Variants in LIPK observed in about 807,000 individuals in gnomAD.
LIPK encodes the protein lipase family member K.
A neutral mutation model predicts 48.6 loss-of-function variants in LIPK; 32 were observed. The ratio of observed to expected loss-of-function variants is 0.66; its 90% CI spans 0.50 to 0.88. The LOEUF is 0.88. Among genes scored for constraint, LIPK ranks in the 40% least tolerant of loss-of-function variants. LIPK has a pLI of 0.00. For synonymous variants in LIPK, 164 were observed against 157.4 expected (o/e 1.04, Z -0.32); for missense variants, 507 against 478.5 (o/e 1.06, Z -0.56).
At chr10:88,746,749 G>GA (rs1210195140) in intron 9 of LIPK, among the ~76,000 whole-genome samples, 1 of 151,898 alleles carries the variant, frequency 6.6e-6, no homozygotes, top group African/African-American at 2.4e-5. Context: ...GCTAGCAGAA[G>GA]AAAAAATAAC....
At chr10:88,710,082 T>C (rs1842000809) in intron 1 of LIPK, among the ~76,000 whole-genome samples, 2 of 151,906 alleles carry the variant, frequency 1.3e-5, no homozygotes, top group African/African-American at 2.4e-5. Flanking sequence ...TGCTTTCATG[T>C]TTTTATATAG....
chr10:88,740,330 G>C lies in LIPK; in HGVS notation c.888+263G>C, dbSNP rs1334939291. Among the ~76,000 whole-genome samples the C allele has an allele frequency of 2.0e-5, 3 of 152,262 alleles. No individual in the cohort carries two copies. In the East Asian group the frequency reaches 5.8e-4, roughly 29 times the overall value. ...GATTCCAAACTACATTTTAAGGGAA[G>C]ACTTTTATTTCCTCTTTCAGAAAGT... On this transcript the variant is annotated intron_variant, in intron 8 of 9. Coordinates refer to ENST00000404190, the MANE Select transcript of LIPK (RefSeq NM_001080518.2).
At chr10:88,722,565 C>A (rs537408805) in intron 1 of LIPK, among the ~76,000 whole-genome samples, 124 of 152,272 alleles carry the variant, frequency 8.1e-4, no homozygotes, top group African/African-American at 3.0e-3. Flanking sequence ...TAAGGGTTTT[C>A]AGTGTGATGT....
chr10:88,750,644 T>C (rs1842847844), intron 9 of LIPK, among the ~76,000 whole-genome samples: 1 of 152,124 alleles, frequency 6.6e-6, no homozygotes, highest in Non-Finnish European at 1.5e-5. Context: ...CACTGGGGCC[T>C]ACTTGAGGGT....
At chr10:88,709,895 C>T (rs1841997281) in intron 1 of LIPK, among the ~76,000 whole-genome samples, 1 of 151,946 alleles carries the variant, frequency 6.6e-6, no homozygotes, top group African/African-American at 2.4e-5. Context: ...ATTCTCAGGC[C>T]AAATTAGTAT....
At chr10:88,741,816 T>A (rs140577072) in intron 8 of LIPK, among the ~76,000 whole-genome samples, 15 of 152,332 alleles carry the variant, frequency 9.8e-5, no homozygotes, top group African/African-American at 2.4e-5. Context: ...TTCACAAATA[T>A]CTTGCCTTGA....
intron 1 of LIPK, among the ~76,000 whole-genome samples, chr10:88,719,736 T>TAAG (rs765793710): frequency 1.3e-5 from 2 of 152,156 alleles, no homozygotes; most frequent in Non-Finnish European, 1.5e-5. Flanking sequence ...GGGGACTGGT[T>TAAG]AAGAATGCTC....
intron 1 of LIPK, among the ~76,000 whole-genome samples, chr10:88,722,025 C>T (rs1327335280): frequency 1.3e-5 from 2 of 152,142 alleles, no homozygotes; most frequent in East Asian, 1.9e-4. Flanking sequence ...TGGCCAGGTG[C>T]GGTGGCTCAC....
At chr10:88,730,329 G>A (rs1341567240) in intron 3 of LIPK, among the ~76,000 whole-genome samples, 1 of 151,758 alleles carries the variant, frequency 6.6e-6, no homozygotes, top group African/African-American at 2.4e-5. Flanking sequence ...TTGCTCTGTC[G>A]CCCAGGCTGG....
chr10:88,746,054 G>A (rs1371980828), intron 9 of LIPK, among the ~76,000 whole-genome samples: 1 of 152,066 alleles, frequency 6.6e-6, no homozygotes, highest in African/African-American at 2.4e-5. Flanking sequence ...TAAAGATAAA[G>A]GGTTGAATTT....
rs186421396 is a variant in LIPK, at chr10:88,728,262, G to C, written c.223+1350G>C. 6 of 188,418 alleles carry C rather than the reference G, an allele frequency of 3.2e-5. No homozygotes were observed. In the Admixed American group the frequency reaches 3.5e-4, roughly 11 times the overall value. The allele number at this position is 188,418 out of a possible 1,614,324, so 11.7% of individuals were successfully genotyped here. On this transcript the variant is annotated intron_variant, in intron 3 of 9. Transcript: ENST00000404190. ...GGACAACAGCCGAGTCCTGGACATG[G>C]ATGGCATCATCTCGACGTCTCCGCC...
At chr10:88,749,974 C>A (rs1236939) in intron 9 of LIPK, among the ~76,000 whole-genome samples, 36,468 of 151,904 alleles carry the variant, frequency 0.24, 4,530 homozygotes, top group East Asian at 0.37. Context: ...AAACCAAACA[C>A]CCCCATTAAA....
intron 1 of LIPK, among the ~76,000 whole-genome samples, chr10:88,716,848 C>T (rs1006351504): frequency 6.7e-6 from 1 of 149,302 alleles, no homozygotes; most frequent in African/African-American, 2.5e-5. Context: ...TAGAGGTTCA[C>T]ATGTGGGATG....
At chr10:88,722,466 A>G (rs1385496848) in intron 1 of LIPK, among the ~76,000 whole-genome samples, 1 of 152,238 alleles carries the variant, frequency 6.6e-6, no homozygotes, top group East Asian at 1.9e-4. Flanking sequence ...TAGAATGCAT[A>G]TGAACCACTT....
rs1412213033 is a variant in LIPK at position 88,743,325 on chromosome 10, C to G, written c.960+4C>G. ...GAACATGATGCACTTCCATCAGGTA[C>G]AAAAATAATCCTCATAATCAGTTCC... On this transcript the variant is annotated splice_donor_region_variant and intron_variant, in intron 9 of 9. Coordinates refer to ENST00000404190, the MANE Select transcript of LIPK (RefSeq NM_001080518.2). 6.3e-7 allele frequency: 1 copy of G among 1,576,516 alleles called. No homozygotes were observed.
chr10:88,732,624 C>A, intron 6 of LIPK, 73 bp downstream of exon 6: 2 of 1,432,404 alleles, frequency 1.4e-6, no homozygotes, highest in Non-Finnish European at 1.9e-6. Flanking sequence ...AACAGAAGAC[C>A]AATGACATTT....
At chr10:88,749,341 G>A (rs1457043785) in intron 9 of LIPK, among the ~76,000 whole-genome samples, 1 of 152,010 alleles carries the variant, frequency 6.6e-6, no homozygotes, top group Admixed American at 6.6e-5. Context: ...CAAAGCTGGA[G>A]GCATTACTTG....
chr10:88,747,629 A>G (rs419912), intron 9 of LIPK, among the ~76,000 whole-genome samples: 36,426 of 151,990 alleles, frequency 0.24, 4,524 homozygotes, highest in East Asian at 0.37. Flanking sequence ...AAAATAATAA[A>G]AGCCATCTCA....
intron 9 of LIPK, among the ~76,000 whole-genome samples, chr10:88,746,829 T>C (rs1377800542): frequency 6.6e-6 from 1 of 152,046 alleles, no homozygotes; most frequent in African/African-American, 2.4e-5. Context: ...AAATCACAAG[T>C]TGCTTCCTTG....
Sources: allele counts gnomAD v4.1 joint callset (sites outside exome capture counted in the v4.1 genomes callset), GRCh38; gene constraint gnomAD v4.1.1; transcripts MANE v1.5; gene names NCBI Gene and HGNC (gene_info 2026-07-23, HGNC 2026-07-21).